Variants in NEK7 observed in about 807,000 individuals in gnomAD.
NEK7 encodes NIMA related kinase 7, also known as serine/threonine-protein kinase Nek7.
NEK7 carries 18 observed loss-of-function variants against 44.6 expected under a neutral mutation model. The ratio of observed to expected loss-of-function variants is 0.40; its 90% confidence interval spans 0.28 to 0.60. The LOEUF (loss-of-function observed/expected upper bound fraction) is 0.60, where lower values mean the gene tolerates loss of function less well. Among genes scored for constraint, NEK7 ranks in the 20% least tolerant of loss-of-function variants. The pLI, the probability that NEK7 is intolerant of heterozygous loss-of-function variation, is 0.38. For synonymous variants in NEK7, 130 were observed against 121.1 expected (o/e 1.07, Z -0.48); for missense variants, 256 against 366.5 (o/e 0.70, Z 2.46).
At chr1:198,197,755 G>C in intron 1 of NEK7, 1 of 660,314 alleles carries the variant, frequency 1.5e-6, no homozygotes. Flanking sequence ...GGTGAGACTT[G>C]AGGGTAAGGT....
intron 2 of NEK7, among the ~76,000 whole-genome samples, chr1:198,247,716 C>CT (rs146644192): frequency 0.027 from 3,985 of 147,010 alleles, 167 homozygotes; most frequent in African/African-American, 0.092. Flanking sequence ...ATTATTGCTT[C>CT]TTTTTTTTTT....
intron 7 of NEK7, among the ~76,000 whole-genome samples, chr1:198,289,131 T>TTGTGTGTGTGTGTGTG (rs71133921): frequency 4.0e-5 from 6 of 148,870 alleles, no homozygotes; most frequent in African/African-American, 1.5e-4. Context: ...TTCCCTGAAG[T>TTGTGTGTGTGTGTGTG]TGTGTGTGTG....
rs998294691 is a variant in NEK7, at chr1:198,317,891, T to G, written c.799-1521T>G. ...TGGATATATTTATTTTTTTTTTTTT[T>G]TTTTTTTTTGGTAACCTGGTAAAAT... On this transcript the variant is annotated intron_variant, in intron 9 of 9. Coordinates refer to ENST00000367385, the MANE Select transcript of NEK7 (RefSeq NM_133494.3). Among the ~76,000 whole-genome samples the G allele has an allele frequency of 3.5e-4, 52 of 146,540 alleles. 3 individuals carry two copies. The highest frequency in any genetic ancestry group is 1.2e-3 in the African/African-American group (50 of 40,590).
chr1:198,301,912 T>C (rs992479254), intron 9 of NEK7, among the ~76,000 whole-genome samples: 9 of 152,200 alleles, frequency 5.9e-5, no homozygotes, highest in Non-Finnish European at 1.2e-4. Context: ...AGAAAGACTA[T>C]TGAAGGATAC....
chr1:198,313,449 A>T (rs1375955939), intron 9 of NEK7, among the ~76,000 whole-genome samples: 27 of 139,540 alleles, frequency 1.9e-4, no homozygotes, highest in African/African-American at 7.7e-4. Flanking sequence ...ATTTAAAGTT[A>T]ATATTGTTAT....
intron 2 of NEK7, among the ~76,000 whole-genome samples, chr1:198,233,263 T>G (rs1163998601): frequency 6.6e-6 from 1 of 152,134 alleles, no homozygotes; most frequent in Non-Finnish European, 1.5e-5. Flanking sequence ...TTTGCTTGTT[T>G]CTTGTATTTA....
intron 5 of NEK7, among the ~76,000 whole-genome samples, chr1:198,268,231 A>G (rs1653717700): frequency 6.6e-6 from 1 of 151,400 alleles, no homozygotes; most frequent in East Asian, 1.9e-4. Context: ...TTGACTTCCA[A>G]TTTTTTATCT....
chr1:198,172,705 A>G (rs1032715921), intron 1 of NEK7, among the ~76,000 whole-genome samples: 8 of 152,218 alleles, frequency 5.3e-5, no homozygotes, highest in Non-Finnish European at 1.2e-4. Context: ...GAAATGTTCT[A>G]AGATATAAGG....
chr1:198,311,249 T>C (rs1655172051), intron 9 of NEK7, among the ~76,000 whole-genome samples: 3 of 146,902 alleles, frequency 2.0e-5, no homozygotes, highest in South Asian at 2.2e-4. Context: ...TGTCTGTTGT[T>C]GGTGTATAAG....
At chr1:198,249,566 T>A (rs1197886264) in intron 2 of NEK7, among the ~76,000 whole-genome samples, 3 of 151,964 alleles carry the variant, frequency 2.0e-5, no homozygotes, top group Non-Finnish European at 4.4e-5. Context: ...TTTCCTTTTT[T>A]ATGGTTGCCA....
intron 2 of NEK7, among the ~76,000 whole-genome samples, chr1:198,233,347 A>G (rs911112909): frequency 2.6e-5 from 4 of 152,222 alleles, no homozygotes; most frequent in African/African-American, 9.6e-5. Context: ...TCCTGCATTC[A>G]GTATGAATAC....
At chr1:198,163,385 A>G (rs1268330452) in intron 1 of NEK7, among the ~76,000 whole-genome samples, 2 of 151,960 alleles carry the variant, frequency 1.3e-5, no homozygotes, top group Non-Finnish European at 2.9e-5. Context: ...AATCCCAGCT[A>G]CTTGGGAGGC....
chr1:198,253,912 A>T (rs1457293922), intron 3 of NEK7, among the ~76,000 whole-genome samples: 2 of 152,134 alleles, frequency 1.3e-5, no homozygotes, highest in Non-Finnish European at 2.9e-5. Context: ...TCTGCCTTCC[A>T]GTGTGTATGA....
chr1:198,276,329 A>G (rs12410928), intron 5 of NEK7, among the ~76,000 whole-genome samples: 22,426 of 151,654 alleles, frequency 0.15, 2,158 homozygotes, highest in South Asian at 0.26. Context: ...CACACATGAT[A>G]TGTTATATTT....
Position 198,221,226 on chromosome 1 carries a change from A to T in NEK7, c.-28-11327A>T, listed in dbSNP as rs1210248142. The T allele has an allele frequency of 2.6e-5, 4 of 152,048 alleles. No homozygotes were observed. The East Asian group carries it at 7.7e-4, about 29-fold the overall frequency. The allele number at this position is 152,048 out of a possible 1,614,324, so 9.4% of individuals were successfully genotyped here. Reference sequence around the variant, plus strand: ...AAGCATAAAGAGGAAGTCTATTTAAATAATCTTTGGAAACATAAAGAGGAA... The same window carrying T: ...AAGCATAAAGAGGAAGTCTATTTAATTAATCTTTGGAAACATAAAGAGGAA... On this transcript the variant is annotated intron_variant, in intron 1 of 9. Transcript: ENST00000367385.
chr1:198,183,182 C>T lies in NEK7; in HGVS notation c.-29+25906C>T, dbSNP rs543898639. On this transcript the variant is annotated intron_variant, in intron 1 of 9. Transcript: ENST00000367385. ...ACCCTATAACTCCCATCTGGAAAACCCGTCTTTAGAGGTTACATTGGTAGC... is the reference window on the plus strand; with the variant it reads ...ACCCTATAACTCCCATCTGGAAAACTCGTCTTTAGAGGTTACATTGGTAGC... Among the ~76,000 whole-genome samples the T allele has an allele frequency of 8.1e-4, 124 of 152,246 alleles. 1 individual carries two copies. Among genetic ancestry groups the T allele is most frequent in the African/African-American group, 2.7e-3 (113 of 41,540 alleles).
intron 1 of NEK7, among the ~76,000 whole-genome samples, chr1:198,194,584 T>C (rs971480822): frequency 3.9e-5 from 6 of 152,186 alleles, no homozygotes; most frequent in African/African-American, 1.4e-4. Flanking sequence ...TTTCTGTTCC[T>C]GAATCAGTTT....
chr1:198,307,442 A>G (rs1034678968), intron 9 of NEK7, among the ~76,000 whole-genome samples: 3 of 152,134 alleles, frequency 2.0e-5, no homozygotes, highest in African/African-American at 7.2e-5. Context: ...TAATTTAATT[A>G]AAGGATAGAA....
At position 198,315,458 on chromosome 1, in the gene NEK7, C is replaced by T. The variant is rs554737346; in HGVS notation, c.799-3954C>T. 2.6e-5 allele frequency among the ~76,000 whole-genome samples: 4 copies of T among 152,302 alleles called. No homozygotes were observed. In the South Asian group the frequency reaches 6.2e-4, roughly 24 times the overall value. ...TTCCTATTCGGCCATCTTGGCTCCT[C>T]CTCCCCATCTATGGTGGGCCTTAGC... On this transcript the variant is annotated intron_variant, in intron 9 of 9. Transcript: ENST00000367385.
Sources: allele counts gnomAD v4.1 joint callset (sites outside exome capture counted in the v4.1 genomes callset), GRCh38; gene constraint gnomAD v4.1.1; transcripts MANE v1.5; gene names NCBI Gene and HGNC (gene_info 2026-07-23, HGNC 2026-07-21).